Variants in HECW1 observed in about 807,000 individuals in gnomAD.
HECW1 encodes HECT, C2 and WW domain containing E3 ubiquitin protein ligase 1, also known as E3 ubiquitin-protein ligase HECW1.
A neutral mutation model predicts 182.3 loss-of-function variants in HECW1; 61 were observed. The observed-to-expected ratio is 0.33, with a 90% CI of 0.27 to 0.41. The LOEUF is 0.41. Ranked by LOEUF, HECW1 falls within the 10% of genes least tolerant of loss-of-function variation. HECW1 has a pLI of 1.00. For synonymous variants in HECW1, 859 were observed against 832.6 expected (o/e 1.03, Z -0.55); for missense variants, 1,739 against 2,108.9 (o/e 0.82, Z 3.44).
At chr7:43,312,873 C>T (rs973851877) in intron 4 of HECW1, among the ~76,000 whole-genome samples, 3 of 152,176 alleles carry the variant, frequency 2.0e-5, no homozygotes, top group Admixed American at 6.5e-5. Flanking sequence ...ACCCAAAAGT[C>T]GAGTTATAAT....
At chr7:43,452,529 A>G (rs1174358703) in intron 12 of HECW1, among the ~76,000 whole-genome samples, 1 of 152,226 alleles carries the variant, frequency 6.6e-6, no homozygotes, top group African/African-American at 2.4e-5. Flanking sequence ...TAGTACAAGA[A>G]TTACCTTATT....
At chr7:43,388,693 G>C (rs2152832710) in intron 6 of HECW1, among the ~76,000 whole-genome samples, 1 of 152,256 alleles carries the variant, frequency 6.6e-6, no homozygotes. Context: ...CATAATCTCA[G>C]CTCACTGAAA....
intron 2 of HECW1, among the ~76,000 whole-genome samples, chr7:43,129,106 C>T (rs954805825): frequency 2.6e-5 from 4 of 152,142 alleles, no homozygotes; most frequent in African/African-American, 9.7e-5. Flanking sequence ...ATTACATAAA[C>T]ATAGTTGATA....
intron 4 of HECW1, among the ~76,000 whole-genome samples, chr7:43,319,455 G>A (rs949117498): frequency 1.3e-5 from 2 of 150,422 alleles, no homozygotes; most frequent in Non-Finnish European, 3.0e-5. Flanking sequence ...AGAACAGCAG[G>A]AGGTGAAAGC....
chr7:43,287,264 A>G (rs567305633), intron 3 of HECW1, among the ~76,000 whole-genome samples: 144 of 152,236 alleles, frequency 9.5e-4, no homozygotes, highest in Non-Finnish European at 1.9e-3. Flanking sequence ...GGTACTGTGG[A>G]GATGCTGGAA....
chr7:43,453,089 G>C (rs2077287495), intron 12 of HECW1, among the ~76,000 whole-genome samples: 1 of 152,190 alleles, frequency 6.6e-6, no homozygotes, highest in Non-Finnish European at 1.5e-5. Flanking sequence ...ACGAAAGGAG[G>C]ACATTGTAGA....
chr7:43,193,943 T>C (rs1210311735), intron 2 of HECW1, among the ~76,000 whole-genome samples: 3 of 152,188 alleles, frequency 2.0e-5, no homozygotes, highest in Non-Finnish European at 4.4e-5. Flanking sequence ...TTTCAAAATA[T>C]GTCAAAAAAG....
chr7:43,447,095 G>A (rs1261258699), intron 11 of HECW1, among the ~76,000 whole-genome samples: 2 of 152,148 alleles, frequency 1.3e-5, no homozygotes, highest in African/African-American at 2.4e-5. Context: ...TTCCTGTGAA[G>A]AGCCAGATAG....
intron 5 of HECW1, among the ~76,000 whole-genome samples, chr7:43,333,033 G>A (rs1276982998): frequency 2.0e-5 from 3 of 152,178 alleles, no homozygotes; most frequent in African/African-American, 4.8e-5. Flanking sequence ...ACCAAAGTAG[G>A]CCAGTAGGGG....
chr7:43,460,099 A>G (rs150059404), intron 13 of HECW1, among the ~76,000 whole-genome samples: 1 of 152,310 alleles, frequency 6.6e-6, no homozygotes, highest in East Asian at 1.9e-4. Flanking sequence ...TTTTGTCACA[A>G]GGGCCTGCTA....
At chr7:43,397,826 G>T (rs1030628386) in intron 7 of HECW1, among the ~76,000 whole-genome samples, 1 of 151,158 alleles carries the variant, frequency 6.6e-6, no homozygotes, top group Non-Finnish European at 1.5e-5. Flanking sequence ...CAGGTCACAG[G>T]GCATATGATG....
intron 6 of HECW1, among the ~76,000 whole-genome samples, chr7:43,396,487 G>C (rs933149057): frequency 3.9e-5 from 6 of 152,216 alleles, no homozygotes; most frequent in Non-Finnish European, 7.3e-5. Flanking sequence ...CTTAGGCCCT[G>C]CTTTAATAAA....
chr7:43,338,338 C>A (rs1351078125), intron 5 of HECW1, among the ~76,000 whole-genome samples: 1 of 152,098 alleles, frequency 6.6e-6, no homozygotes, highest in East Asian at 1.9e-4. Flanking sequence ...TTCACTCTTG[C>A]CTTCTATATC....
intron 24 of HECW1, chr7:43,512,002 C>T (rs982161261): frequency 1.9e-5 from 4 of 210,096 alleles, no homozygotes; most frequent in East Asian, 7.1e-5. Context: ...TGATCGCTCA[C>T]GACTGGTACC....
chr7:43,453,848 GCTGATGC>G (rs2077313523), intron 12 of HECW1, among the ~76,000 whole-genome samples: 1 of 152,206 alleles, frequency 6.6e-6, no homozygotes, highest in Admixed American at 6.5e-5. Context: ...TTCAAGTCAT[GCTGATGC>G]CTGAAGTTCC....
chr7:43,166,794 CTTAA>C (rs1791170410), intron 2 of HECW1, among the ~76,000 whole-genome samples: 1 of 152,136 alleles, frequency 6.6e-6, no homozygotes, highest in Admixed American at 6.5e-5. Flanking sequence ...AATTATTGAT[CTTAA>C]TTAATTACCA....
intron 3 of HECW1, among the ~76,000 whole-genome samples, chr7:43,304,249 T>C (rs1247556837): frequency 1.3e-5 from 2 of 152,066 alleles, no homozygotes; most frequent in African/African-American, 2.4e-5. Flanking sequence ...TCTCCTGTAC[T>C]GCCTCAGGGA....
intron 3 of HECW1, among the ~76,000 whole-genome samples, chr7:43,269,074 C>T (rs534695169): frequency 6.6e-6 from 1 of 152,254 alleles, no homozygotes; most frequent in Admixed American, 6.5e-5. Flanking sequence ...ATTCTTAATT[C>T]ATCCTCTCCC....
intron 2 of HECW1, among the ~76,000 whole-genome samples, chr7:43,203,576 G>A (rs1795200045): frequency 6.6e-6 from 1 of 152,140 alleles, no homozygotes; most frequent in Admixed American, 6.6e-5. Flanking sequence ...TCAGCCTCCT[G>A]AATAGCTGGG....
Sources: allele counts gnomAD v4.1 joint callset (sites outside exome capture counted in the v4.1 genomes callset), GRCh38; gene constraint gnomAD v4.1.1; transcripts MANE v1.5; gene names NCBI Gene and HGNC (gene_info 2026-07-23, HGNC 2026-07-21).